CALN1: variants seen among roughly 807,000 people sequenced by gnomAD.
CALN1 encodes calcium-binding protein 8.
In CALN1, 17 loss-of-function variants were observed where a neutral mutation model predicts 30.6. That is an observed-to-expected ratio of 0.56 (90% CI 0.38 to 0.83). The LOEUF (loss-of-function observed/expected upper bound fraction) is 0.83, where lower values mean the gene tolerates loss of function less well. CALN1 is among the 40% of genes least tolerant of loss of function. The pLI, the probability that CALN1 is intolerant of heterozygous loss-of-function variation, is 0.00. For missense variants in CALN1, 291 were observed against 354.9 expected (o/e 0.82, Z 1.45); for synonymous variants, 156 against 131.4 (o/e 1.19, Z -1.28).
At chr7:72,012,615 G>A (rs1800146075) in intron 5 of CALN1, among the ~76,000 whole-genome samples, 1 of 152,156 alleles carries the variant, frequency 6.6e-6, no homozygotes, top group Non-Finnish European at 1.5e-5. Context: ...CATATTAACT[G>A]GACATAAGGC....
intron 4 of CALN1, among the ~76,000 whole-genome samples, chr7:72,084,298 C>T (rs1246523094): frequency 1.3e-5 from 2 of 152,134 alleles, no homozygotes; most frequent in Non-Finnish European, 2.9e-5. Context: ...TTCTACCACA[C>T]TCCACATATG....
the CALN1 span, among the ~76,000 whole-genome samples, chr7:72,487,759 A>AAGGAAGGG: frequency 7.8e-6 from 1 of 128,448 alleles, no homozygotes; most frequent in Non-Finnish European, 1.6e-5. Context: ...GGAAGGAAGG[A>AAGGAAGGG]AGGGTAAAGA....
chr7:72,405,867 C>T (rs558428533), intron 1 of CALN1, among the ~76,000 whole-genome samples: 3 of 152,280 alleles, frequency 2.0e-5, no homozygotes, highest in East Asian at 1.9e-4. Context: ...TATGTTGAGT[C>T]CCTTCTCTTG....
rs972812834 is a variant in CALN1, at chr7:71,787,395, G to GGTGA, written c.*376_*379dup. ...TTGGGTTGAAAGAATGGGGAGTGGA[G>GGTGA]GTGACTGTGTGTTCATGCCTCTCTC... On this transcript the variant is annotated 3_prime_UTR_variant, in exon 7 of 7. Transcript: ENST00000395275. 3.7e-5 allele frequency: 7 copies of GGTGA among 191,446 alleles called. No homozygotes were observed. Among genetic ancestry groups the GGTGA allele is most frequent in the Non-Finnish European group, 7.8e-5 (7 of 89,504 alleles). The allele number at this position is 191,446 out of a possible 1,614,324, so 11.9% of individuals were successfully genotyped here. A position where few individuals can be genotyped will look rare whatever the true frequency, so the allele number is the denominator to read the frequency against.
intron 2 of CALN1, among the ~76,000 whole-genome samples, chr7:72,400,518 C>T (rs1585665514): frequency 6.6e-6 from 1 of 152,266 alleles, no homozygotes; most frequent in East Asian, 1.9e-4. Context: ...CTTGTTCCCT[C>T]CAGAATCTGA....
rs111631843 is a variant in CALN1 at position 72,314,398 on chromosome 7, C to T, written c.120-35588G>A. On this transcript the variant is annotated intron_variant, in intron 2 of 6. Coordinates refer to ENST00000395275, the MANE Select transcript of CALN1 (RefSeq NM_031468.4). ...ACACATATATACACATATATATACA[C>T]ATATATACACATATATATACACACA... is the stretch of plus-strand genomic sequence containing the variant. Among the ~76,000 whole-genome samples the T allele has an allele frequency of 1.2e-3, 143 of 119,310 alleles. 3 individuals are homozygous for T. The highest frequency in any genetic ancestry group is 3.7e-3 in the East Asian group (18 of 4,834). 78.3% of individuals were successfully genotyped at this position (119,310 alleles called of 152,430 possible). A position where few individuals can be genotyped will look rare whatever the true frequency, so the allele number is the denominator to read the frequency against.
intron 3 of CALN1, among the ~76,000 whole-genome samples, chr7:72,272,648 C>T (rs1797073045): frequency 6.6e-6 from 1 of 152,122 alleles, no homozygotes; most frequent in Non-Finnish European, 1.5e-5. Context: ...CTAATTGCCC[C>T]GCCAATGAAA....
chr7:72,148,285 C>T (rs1410363315), intron 3 of CALN1, among the ~76,000 whole-genome samples: 2 of 144,320 alleles, frequency 1.4e-5, no homozygotes, highest in Non-Finnish European at 3.0e-5. Flanking sequence ...AAAAAAAAGT[C>T]TGGGCCAGGT....
intron 5 of CALN1, among the ~76,000 whole-genome samples, chr7:71,829,781 T>C (rs1789150577): frequency 6.6e-6 from 1 of 152,126 alleles, no homozygotes; most frequent in African/African-American, 2.4e-5. Context: ...GATGATGAAA[T>C]GGGAAACAAA....
chr7:72,322,002 G>A (rs1245311119), intron 2 of CALN1, among the ~76,000 whole-genome samples: 2 of 152,110 alleles, frequency 1.3e-5, no homozygotes, highest in African/African-American at 4.8e-5. Flanking sequence ...CATGGACCGG[G>A]GGCAGGAGAG....
intron 5 of CALN1, among the ~76,000 whole-genome samples, chr7:71,832,593 C>T (rs552823595): frequency 6.6e-6 from 1 of 152,124 alleles, no homozygotes; most frequent in African/African-American, 2.4e-5. Context: ...TGAAACACAG[C>T]TCCTAAGTGT....
At chr7:72,306,307 A>G (rs1182154390) in intron 2 of CALN1, among the ~76,000 whole-genome samples, 2 of 152,206 alleles carry the variant, frequency 1.3e-5, no homozygotes, top group African/African-American at 2.4e-5. Context: ...CCCAATCCTG[A>G]AGAGATTAAG....
intron 3 of CALN1, among the ~76,000 whole-genome samples, chr7:72,188,101 A>G (rs1212792307): frequency 2.6e-5 from 4 of 152,160 alleles, no homozygotes; most frequent in Non-Finnish European, 5.9e-5. Context: ...CTACCATTTG[A>G]TCCAGCAATC....
At chr7:72,164,625 A>C (rs369478148) in intron 3 of CALN1, among the ~76,000 whole-genome samples, 3 of 152,182 alleles carry the variant, frequency 2.0e-5, no homozygotes, top group Non-Finnish European at 2.9e-5. Context: ...CTCAGTTCAT[A>C]GTACACTTTG....
chr7:72,071,652 G>A (rs936828077), intron 4 of CALN1, among the ~76,000 whole-genome samples: 1 of 152,102 alleles, frequency 6.6e-6, no homozygotes, highest in Non-Finnish European at 1.5e-5. Context: ...TGGAGAATGG[G>A]GAGAATTCAA....
chr7:72,254,572 A>C (rs915895208), intron 3 of CALN1, among the ~76,000 whole-genome samples: 7 of 152,102 alleles, frequency 4.6e-5, no homozygotes, highest in African/African-American at 1.7e-4. Flanking sequence ...AGGGCAAAAA[A>C]CACATTATAA....
intron 5 of CALN1, among the ~76,000 whole-genome samples, chr7:71,846,503 G>A (rs960959359): frequency 6.6e-6 from 1 of 151,964 alleles, no homozygotes; most frequent in African/African-American, 2.4e-5. Flanking sequence ...GAACTAATAG[G>A]ATAAAAATAT....
At chr7:72,032,557 C>G (rs1294762799) in intron 4 of CALN1, among the ~76,000 whole-genome samples, 1 of 152,148 alleles carries the variant, frequency 6.6e-6, no homozygotes, top group Admixed American at 6.6e-5. Context: ...AGCCCTTGGT[C>G]CTGGCATAGG....
At chr7:72,098,813 C>CACACACACACACA (rs1806431620) in intron 4 of CALN1, among the ~76,000 whole-genome samples, 1 of 150,834 alleles carries the variant, frequency 6.6e-6, no homozygotes, top group African/African-American at 2.4e-5. Context: ...GCCAGTCCCA[C>CACACACACACACA]CACTGAGGGC....
Sources: gnomAD v4.1 joint callset for allele counts (sites outside exome capture counted in the v4.1 genomes callset) on GRCh38, gnomAD v4.1.1 for gene constraint, MANE v1.5 for transcripts, NCBI Gene and HGNC (gene_info 2026-07-23, HGNC 2026-07-21) for gene names.